MTG2: variants seen among roughly 807,000 people sequenced by gnomAD.
MTG2 encodes mitochondrial ribosome associated GTPase 2, also known as mitochondrial ribosome-associated GTPase 2.
A neutral mutation model predicts 28.6 loss-of-function variants in MTG2; 23 were observed. The observed-to-expected ratio is 0.80, with a 90% CI of 0.58 to 1.14. The LOEUF is 1.14. MTG2 is among the 50% of genes most tolerant of loss of function. MTG2 has a pLI of 0.00. For missense variants in MTG2, 539 were observed against 552.0 expected, an observed-to-expected ratio of 0.98 and a Z score of 0.24; for synonymous variants, 260 against 251.8, an observed-to-expected ratio of 1.03 and a Z score of -0.31.
At chr20:62,198,515 C>T in intron 4 of MTG2, 119 bp from the exon 5 acceptor site, 2 of 1,101,012 alleles carry the variant, frequency 1.8e-6, no homozygotes, top group South Asian at 2.9e-5. Flanking sequence ...GGGCGGGCAG[C>T]TGCCCGGGGC....
At position 62,193,472 on chromosome 20, in the gene MTG2, G is replaced by A. The variant is rs144107732; in HGVS notation, c.52G>A (p.Val18Met). 27 of 1,614,218 alleles carry A rather than the reference G, an allele frequency of 1.7e-5. No homozygotes were observed. The East Asian group carries it at 4.9e-4, about 29-fold the overall frequency. Reference sequence around the variant, plus strand: ...AAGATTGAGGACCGTGTTTCAGGGCGTGGGGCATTGGGCTTTGTCCACATG... The same window carrying A: ...AAGATTGAGGACCGTGTTTCAGGGCATGGGGCATTGGGCTTTGTCCACATG... Reference protein sequence around the residue: ...SARLRTVFQGVGHWALSTWAG... With the variant: ...SARLRTVFQGMGHWALSTWAG... The change falls in exon 2 of 7, where the codon GTG becomes ATG. Residue 18 changes from valine to methionine, a missense_variant. Coordinates refer to ENST00000370823, the MANE Select transcript of MTG2 (RefSeq NM_015666.4).
chr20:62,184,502 ACTC>A (rs2057800199), intron 1 of MTG2, among the ~76,000 whole-genome samples: 1 of 152,140 alleles, frequency 6.6e-6, no homozygotes, highest in Non-Finnish European at 1.5e-5. Context: ...TGGAGTTTCT[ACTC>A]CTGGACTCCA....
Position 62,198,623 on chromosome 20 carries a change from C to G in MTG2, c.469-11C>G. The G allele has an allele frequency of 6.2e-7, 1 of 1,612,356 alleles. No individual in the cohort carries two copies. The highest frequency in any genetic ancestry group is 8.5e-7 in the Non-Finnish European group (1 of 1,179,362). On this transcript the variant is annotated splice_polypyrimidine_tract_variant and intron_variant, in intron 4 of 6. Transcript: ENST00000370823. ...GTAGAGCTCAGCTGATGAGTGCCTG[C>G]TGTTCCCCAGGTCCCCGTGGGCACG... is the stretch of plus-strand genomic sequence containing the variant.
intron 6 of MTG2, 26 bp from the exon 7 acceptor site, chr20:62,200,657 C>T (rs1268821001): frequency 6.4e-7 from 1 of 1,566,434 alleles, no homozygotes; most frequent in African/African-American, 1.4e-5. Context: ...AAGTGGTCAC[C>T]TCGTGTGCCC....
intron 1 of MTG2, among the ~76,000 whole-genome samples, chr20:62,193,142 A>G (rs889396414): frequency 3.9e-5 from 6 of 152,154 alleles, no homozygotes; most frequent in African/African-American, 9.7e-5. Context: ...TTGCTATTCC[A>G]TAAGAGGATG....
chr20:62,192,164 C>A lies in MTG2; in HGVS notation c.-5-1252C>A, dbSNP rs576112744. Among the ~76,000 whole-genome samples, 11 of 152,366 alleles carry A rather than the reference C, an allele frequency of 7.2e-5. No individual in the cohort carries two copies. In the East Asian group the frequency reaches 2.1e-3, roughly 29 times the overall value. ...TTAGGGGCTCAGTCACCCCCCACTT[C>A]AGATGCTAATTGCAAGTAGTGGGTC... On this transcript the variant is annotated intron_variant, in intron 1 of 6. Transcript: ENST00000370823.
In MTG2 at chr20:62,200,756, C is replaced by T. The variant is rs766693726; in HGVS notation, c.900C>T (p.Ile300=). ...TGGGGTCCGCCTTCCTCAGGCACAT[C>T]GAGCGCTGCCGCTTTCTCTTGTTCG... ...RGLGSAFLRH[I]ERCRFLLFVV... Residue 300 remains isoleucine (I), a synonymous_variant, in exon 7 of 7, where the codon ATC becomes ATT. Coordinates refer to ENST00000370823, the MANE Select transcript of MTG2 (RefSeq NM_015666.4). 9.3e-6 allele frequency: 15 copies of T among 1,613,542 alleles called. No homozygotes were observed. Among genetic ancestry groups the T allele is most frequent in the South Asian group, 2.2e-5 (2 of 91,092 alleles).
intron 1 of MTG2, among the ~76,000 whole-genome samples, chr20:62,185,439 TA>T (rs1568780033): frequency 1.9e-5 from 2 of 107,216 alleles, no homozygotes; most frequent in Admixed American, 8.1e-5. Flanking sequence ...AAATAAAAAA[TA>T]AAATATATAC....
intron 1 of MTG2, among the ~76,000 whole-genome samples, chr20:62,184,004 C>T (rs2057780004): frequency 6.6e-6 from 1 of 152,234 alleles, no homozygotes; most frequent in Non-Finnish European, 1.5e-5. Flanking sequence ...GGGCAAGTGA[C>T]TGAACCTCTG....
At chr20:62,186,590 G>A (rs530655018) in intron 1 of MTG2, among the ~76,000 whole-genome samples, 12 of 140,714 alleles carry the variant, frequency 8.5e-5, no homozygotes, top group East Asian at 2.2e-4. Flanking sequence ...GTGCGGTAAC[G>A]TGATCTCGGC....
At chr20:62,188,769 G>T (rs977793623) in intron 1 of MTG2, 1 of 151,898 alleles carries the variant, frequency 6.6e-6, no homozygotes, top group African/African-American at 2.4e-5. Context: ...ATTGTTACTG[G>T]TTTTTTTGTT....
Position 62,201,114 on chromosome 20 carries a change from G to T in MTG2, c.*37G>T. 1.3e-6 allele frequency: 2 copies of T among 1,532,476 alleles called. No individual in the cohort carries two copies. The highest frequency in any genetic ancestry group is 2.5e-5 in the South Asian group (2 of 80,944). 94.9% of individuals were successfully genotyped at this position (1,532,476 alleles called of 1,614,324 possible). ...CGGGGTCGCCTCTGGGCCTCTGTCTGAGCAAACCTGGGTGTGAATTCGGTG... is the reference window on the plus strand; with the variant it reads ...CGGGGTCGCCTCTGGGCCTCTGTCTTAGCAAACCTGGGTGTGAATTCGGTG... On this transcript the variant is annotated 3_prime_UTR_variant, in exon 7 of 7. Transcript: ENST00000370823.
intron 1 of MTG2, among the ~76,000 whole-genome samples, chr20:62,191,473 C>G (rs1389790067): frequency 6.6e-6 from 1 of 152,180 alleles, no homozygotes; most frequent in Non-Finnish European, 1.5e-5. Context: ...TCTTTGTACT[C>G]TTCTTCCAGC....
At chr20:62,198,395 A>G (rs551247354) in intron 4 of MTG2, 23 of 584,130 alleles carry the variant, frequency 3.9e-5, no homozygotes, top group Non-Finnish European at 7.0e-5. Flanking sequence ...TAGAAACACT[A>G]TTTGAAAAAG....
intron 6 of MTG2, 138 bp downstream of exon 6, chr20:62,199,395 C>T (rs1335899368): frequency 1.8e-6 from 2 of 1,124,582 alleles, no homozygotes; most frequent in Non-Finnish European, 2.5e-6. Context: ...CCTGTAACCC[C>T]AGCACTTTGG....
intron 1 of MTG2, among the ~76,000 whole-genome samples, chr20:62,188,508 ATTTTTT>A (rs1192106476): frequency 3.3e-5 from 3 of 89,726 alleles, no homozygotes; most frequent in East Asian, 3.0e-4. Flanking sequence ...TAATCAGCTA[ATTTTTT>A]TTTTTTTTTT....
chr20:62,193,150 A>G (rs2057993450), intron 1 of MTG2, among the ~76,000 whole-genome samples: 2 of 152,174 alleles, frequency 1.3e-5, no homozygotes. Context: ...CCATAAGAGG[A>G]TGTGTCCAGT....
Position 62,198,737 on chromosome 20 carries a change from G to T in MTG2, c.572G>T (p.Gly191Val). ...IAALGGAGGK[G>V]NRFFLANNNR... is the part of the protein sequence containing the mutation. ...GCGCTGGGCGGGGCAGGAGGGAAAGGCAACCGCTTCTTCCTGGCCAACAAC... is the reference window on the plus strand; with the variant it reads ...GCGCTGGGCGGGGCAGGAGGGAAAGTCAACCGCTTCTTCCTGGCCAACAAC... The change falls in exon 5 of 7, where the codon GGC becomes GTC. Residue 191 changes from glycine (G) to valine (V), a missense_variant. Coordinates refer to ENST00000370823, the MANE Select transcript of MTG2 (RefSeq NM_015666.4). 6.2e-7 allele frequency: 1 copy of T among 1,614,126 alleles called. No homozygotes were observed. The highest frequency in any genetic ancestry group is 8.5e-7 in the Non-Finnish European group (1 of 1,180,042).
At chr20:62,195,703 G>C in intron 2 of MTG2, 99 bp from the exon 3 acceptor site, 1 of 1,400,366 alleles carries the variant, frequency 7.1e-7, no homozygotes, top group South Asian at 1.2e-5. Context: ...ATTTTAATAG[G>C]CTGTTATAGA....
Sources: gnomAD v4.1 joint callset for allele counts (sites outside exome capture counted in the v4.1 genomes callset) on GRCh38, gnomAD v4.1.1 for gene constraint, MANE v1.5 for transcripts, NCBI Gene and HGNC (gene_info 2026-07-23, HGNC 2026-07-21) for gene names.